The following B3GAT2 variants were observed in gnomAD, a reference collection of about 807,000 sequenced individuals.
B3GAT2 encodes galactosylgalactosylxylosylprotein 3-beta-glucuronosyltransferase 2.
Under a neutral mutation model 27.8 loss-of-function variants are expected in B3GAT2, and 26 were observed. The observed-to-expected ratio is 0.93, with a 90% CI of 0.68 to 1.30. The LOEUF is 1.30. Among genes scored for constraint, B3GAT2 ranks in the 50% most tolerant of loss-of-function variants. B3GAT2 has a pLI of 0.00. For missense variants in B3GAT2, 458 were observed against 459.0 expected, an observed-to-expected ratio of 1.00 and a Z score of 0.02; for synonymous variants, 218 against 195.1, an observed-to-expected ratio of 1.12 and a Z score of -0.98.
At chr6:70,868,117 A>G (rs1230613208) in intron 2 of B3GAT2, among the ~76,000 whole-genome samples, 1 of 152,200 alleles carries the variant, frequency 6.6e-6, no homozygotes, top group Non-Finnish European at 1.5e-5. Context: ...AAAAGAAGAA[A>G]TAAAAGCCTC....
chr6:70,921,070 T>C (rs914374896), intron 1 of B3GAT2, among the ~76,000 whole-genome samples: 14 of 152,204 alleles, frequency 9.2e-5, no homozygotes, highest in African/African-American at 3.4e-4. Context: ...TTCTTTGATG[T>C]TGACGTTGGA....
At chr6:70,950,880 T>C (rs1451423888) in intron 1 of B3GAT2, among the ~76,000 whole-genome samples, 1 of 152,220 alleles carries the variant, frequency 6.6e-6, no homozygotes, top group Non-Finnish European at 1.5e-5. Flanking sequence ...ATTTTGCTTG[T>C]ATCCATGATA....
intron 2 of B3GAT2, among the ~76,000 whole-genome samples, chr6:70,887,009 A>G (rs986154045): frequency 6.6e-6 from 1 of 152,216 alleles, no homozygotes; most frequent in Non-Finnish European, 1.5e-5. Flanking sequence ...AAGGTACCAC[A>G]TGACACATCA....
Position 70,956,843 on chromosome 6 carries a change from A to G in B3GAT2, c.-414T>C, listed in dbSNP as rs888988817. 5.8e-6 allele frequency: 6 copies of G among 1,040,078 alleles called. No individual in the cohort carries two copies. Among genetic ancestry groups the G allele is most frequent in the African/African-American group, 5.2e-5 (3 of 57,716 alleles). The allele number at this position is 1,040,078 out of a possible 1,614,324, so 64.4% of individuals were successfully genotyped here. A position where few individuals can be genotyped will look rare whatever the true frequency, so the allele number is the denominator to read the frequency against. ...GCTCCAGTCCGGCGGTGCTGCGGGCACAAGGGCTCCAGCCGCGGGCCCCCA... is the reference window on the plus strand; with the variant it reads ...GCTCCAGTCCGGCGGTGCTGCGGGCGCAAGGGCTCCAGCCGCGGGCCCCCA... On this transcript the variant is annotated 5_prime_UTR_variant, in exon 1 of 4. Transcript: ENST00000230053.
chr6:70,939,735 G>A (rs1043167018), intron 1 of B3GAT2, among the ~76,000 whole-genome samples: 1 of 150,700 alleles, frequency 6.6e-6, no homozygotes, highest in Admixed American at 6.6e-5. Flanking sequence ...CACACTCTGG[G>A]GACTGTTGTG....
At chr6:70,944,615 C>T (rs148788703) in intron 1 of B3GAT2, among the ~76,000 whole-genome samples, 10,657 of 113,958 alleles carry the variant, frequency 0.094, 428 homozygotes, top group Admixed American at 0.16. Context: ...GGCCTGCCTG[C>T]CTCTGTAGGC....
At chr6:70,920,225 C>T (rs928854415) in intron 1 of B3GAT2, among the ~76,000 whole-genome samples, 9 of 152,346 alleles carry the variant, frequency 5.9e-5, no homozygotes, top group African/African-American at 1.9e-4. Flanking sequence ...TGGGACCCAC[C>T]GAGCAGGCAT....
At chr6:70,908,912 GAAGT>G (rs1772642989) in intron 1 of B3GAT2, among the ~76,000 whole-genome samples, 1 of 152,144 alleles carries the variant, frequency 6.6e-6, no homozygotes, top group African/African-American at 2.4e-5. Flanking sequence ...TAAGATCATA[GAAGT>G]AATTAAACAC....
chr6:70,889,449 G>T (rs1014235929), intron 2 of B3GAT2, among the ~76,000 whole-genome samples: 1 of 149,586 alleles, frequency 6.7e-6, no homozygotes. Flanking sequence ...CGCCACAAAA[G>T]TCAGGGCTTT....
intron 1 of B3GAT2, among the ~76,000 whole-genome samples, chr6:70,944,517 G>A (rs1272207556): frequency 2.0e-5 from 3 of 152,236 alleles, no homozygotes; most frequent in Admixed American, 1.3e-4. Context: ...GAGGCTGGGG[G>A]AGGGGTGCCC....
chr6:70,912,133 C>T (rs1002052052), intron 1 of B3GAT2, among the ~76,000 whole-genome samples: 14 of 152,024 alleles, frequency 9.2e-5, no homozygotes, highest in Non-Finnish European at 1.8e-4. Context: ...ATTTGTCTTG[C>T]TTGACTGCTC....
At chr6:70,946,253 C>A (rs1056032931) in intron 1 of B3GAT2, among the ~76,000 whole-genome samples, 2 of 152,088 alleles carry the variant, frequency 1.3e-5, no homozygotes, top group African/African-American at 4.8e-5. Context: ...GGACTAAATG[C>A]TCCAATTAAA....
intron 1 of B3GAT2, among the ~76,000 whole-genome samples, chr6:70,943,140 C>A (rs1200624718): frequency 6.6e-6 from 1 of 152,144 alleles, no homozygotes; most frequent in East Asian, 1.9e-4. Flanking sequence ...TCCTCCTCAG[C>A]AAATCCACCT....
chr6:70,918,509 T>A (rs546389155), intron 1 of B3GAT2, among the ~76,000 whole-genome samples: 1 of 152,286 alleles, frequency 6.6e-6, no homozygotes, highest in South Asian at 2.1e-4. Flanking sequence ...TTACAATTTG[T>A]CATGTTTTTG....
intron 2 of B3GAT2, among the ~76,000 whole-genome samples, chr6:70,888,568 C>T (rs1772230148): frequency 6.6e-6 from 1 of 152,088 alleles, no homozygotes; most frequent in African/African-American, 2.4e-5. Context: ...CAGATGGCTG[C>T]CTGAGCCTCC....
chr6:70,930,351 T>C (rs1250681379), intron 1 of B3GAT2, among the ~76,000 whole-genome samples: 6 of 152,162 alleles, frequency 3.9e-5, no homozygotes, highest in African/African-American at 1.4e-4. Flanking sequence ...TGGCATCTAA[T>C]TAAACTAAAG....
intron 1 of B3GAT2, among the ~76,000 whole-genome samples, chr6:70,902,192 T>C (rs1048857011): frequency 1.8e-4 from 28 of 152,250 alleles, no homozygotes; most frequent in African/African-American, 6.3e-4. Context: ...AATACATAGA[T>C]AAATGGAAGA....
At chr6:70,926,694 G>A (rs895027645) in intron 1 of B3GAT2, among the ~76,000 whole-genome samples, 8 of 152,148 alleles carry the variant, frequency 5.3e-5, no homozygotes, top group South Asian at 2.1e-4. Flanking sequence ...CCAAATCTAC[G>A]TTTCATTGGT....
At position 70,935,841 on chromosome 6, in the gene B3GAT2, C is replaced by T. The variant is rs577024391; in HGVS notation, c.591+19998G>A. On this transcript the variant is annotated intron_variant, in intron 1 of 3. Transcript: ENST00000230053. ...CATCAAGGCTAGGAAGAAACTGCAT[C>T]AACTAACGAGCAAAATAACCAGCTA... is the stretch of plus-strand genomic sequence containing the variant. Among the ~76,000 whole-genome samples the T allele has an allele frequency of 2.2e-3, 342 of 152,232 alleles. 1 individual carries two copies. The highest frequency in any genetic ancestry group is 8.0e-3 in the African/African-American group (331 of 41,522).
Sources: gnomAD v4.1 joint callset for allele counts (sites outside exome capture counted in the v4.1 genomes callset) on GRCh38, gnomAD v4.1.1 for gene constraint, MANE v1.5 for transcripts, NCBI Gene and HGNC (gene_info 2026-07-23, HGNC 2026-07-21) for gene names.